Variants in NCKAP5 observed in about 807,000 individuals in gnomAD.
NCKAP5 encodes the protein nck-associated protein 5.
A neutral mutation model predicts 167.0 loss-of-function variants in NCKAP5; 92 were observed. The ratio of observed to expected loss-of-function variants is 0.55; its 90% CI spans 0.47 to 0.66. NCKAP5 has a LOEUF of 0.66. Among genes scored for constraint, NCKAP5 ranks in the 30% least tolerant of loss-of-function variants. The pLI, the probability that NCKAP5 is intolerant of heterozygous loss-of-function variation, is 0.00. For missense variants in NCKAP5, 2,378 were observed against 2,315.0 expected, an observed-to-expected ratio of 1.03 and a Z score of -0.56; for synonymous variants, 891 against 877.4, an observed-to-expected ratio of 1.02 and a Z score of -0.27.
the NCKAP5 span, among the ~76,000 whole-genome samples, chr2:133,596,916 G>C: frequency 7.9e-5 from 12 of 152,360 alleles, no homozygotes; most frequent in African/African-American, 2.6e-4. Flanking sequence ...TCTGCAGGAG[G>C]TTTAACCTCC....
At chr2:133,558,131 C>T in intron 2 of NCKAP5, 1 of 152,312 alleles carries the variant, frequency 6.6e-6, no homozygotes, top group East Asian at 1.9e-4. Context: ...TACCATGCTG[C>T]TTGCTCCTTT....
intron 8 of NCKAP5, among the ~76,000 whole-genome samples, chr2:132,936,346 G>A (rs553807755): frequency 6.7e-6 from 1 of 148,842 alleles, no homozygotes; most frequent in Non-Finnish European, 1.5e-5. Context: ...AACTAACAAG[G>A]AGCTGAATGA....
chr2:133,520,519 ATAGT>A (rs1449640212), intron 2 of NCKAP5, among the ~76,000 whole-genome samples: 1 of 152,224 alleles, frequency 6.6e-6, no homozygotes, highest in East Asian at 1.9e-4. Context: ...AGCCATTGAA[ATAGT>A]TAGGCTGGGG....
intron 8 of NCKAP5, among the ~76,000 whole-genome samples, chr2:132,894,387 TAA>T (rs1481430276): frequency 6.6e-6 from 1 of 152,208 alleles, no homozygotes; most frequent in Non-Finnish European, 1.5e-5. Context: ...CAAAGTGAGA[TAA>T]AGTGCCATGG....
At chr2:132,692,293 C>G (rs1415524167) in intron 19 of NCKAP5, among the ~76,000 whole-genome samples, 4 of 152,008 alleles carry the variant, frequency 2.6e-5, no homozygotes, top group African/African-American at 9.7e-5. Context: ...CAGGTGTCCA[C>G]CACCATGCCC....
rs760973428 is a variant in NCKAP5, at chr2:132,782,070, C to T, written c.4741G>A (p.Gly1581Ser). 100 of 1,613,878 alleles carry T rather than the reference C, an allele frequency of 6.2e-5. 1 individual carries two copies. Among genetic ancestry groups the T allele is most frequent in the South Asian group, 5.6e-4 (51 of 91,084 alleles). ...DTKSADNPDG[G>S]LQSKNNRRTP... ...CTCCGATTATTTTTGCTTTGTAAAC[C>T]GCCATCTGGATTATCTGCTGACTTG... The change falls in exon 14 of 20, where the codon GGT (glycine) becomes AGT (serine). Residue 1581 changes from glycine to serine, a missense_variant. By Grantham distance (56) the Gly-to-Ser change is moderately conservative. Coordinates refer to ENST00000409261, the MANE Select transcript of NCKAP5 (RefSeq NM_207363.3).
intron 8 of NCKAP5, among the ~76,000 whole-genome samples, chr2:132,904,464 G>A (rs980264255): frequency 2.0e-5 from 3 of 151,990 alleles, no homozygotes; most frequent in Non-Finnish European, 4.4e-5. Context: ...TTGCTGCAAG[G>A]ATTATGCTTA....
At chr2:132,804,007 G>A (rs904857571) in intron 11 of NCKAP5, among the ~76,000 whole-genome samples, 3 of 152,166 alleles carry the variant, frequency 2.0e-5, no homozygotes, top group African/African-American at 7.2e-5. Context: ...AATATTCTGT[G>A]CAAAGGGAAC....
intron 3 of NCKAP5, among the ~76,000 whole-genome samples, chr2:133,398,440 A>C (rs1687894145): frequency 1.3e-5 from 2 of 152,166 alleles, no homozygotes; most frequent in Admixed American, 1.3e-4. Context: ...CATAAAAATA[A>C]ACCTTAGAGT....
At chr2:133,547,285 G>T (rs1013091567) in intron 2 of NCKAP5, among the ~76,000 whole-genome samples, 1 of 152,192 alleles carries the variant, frequency 6.6e-6, no homozygotes, top group Non-Finnish European at 1.5e-5. Flanking sequence ...CTGCAAGGCG[G>T]CAGAGAGGCT....
At chr2:132,848,441 A>G (rs1456843619) in intron 11 of NCKAP5, among the ~76,000 whole-genome samples, 1 of 152,204 alleles carries the variant, frequency 6.6e-6, no homozygotes, top group African/African-American at 2.4e-5. Context: ...AAGGATCTCA[A>G]TGCCTGTCTT....
the NCKAP5 span, among the ~76,000 whole-genome samples, chr2:133,636,660 A>T: frequency 6.6e-6 from 1 of 152,240 alleles, no homozygotes; most frequent in African/African-American, 2.4e-5. Flanking sequence ...CCTAGTAGCC[A>T]AAAGAGCCAA....
intron 9 of NCKAP5, among the ~76,000 whole-genome samples, chr2:132,876,547 C>T (rs1205575327): frequency 1.3e-5 from 2 of 152,204 alleles, no homozygotes; most frequent in East Asian, 3.8e-4. Flanking sequence ...ATTATTACTA[C>T]ATTCAACTAC....
the NCKAP5 span, among the ~76,000 whole-genome samples, chr2:133,661,087 T>C: frequency 3.9e-5 from 6 of 152,134 alleles, no homozygotes; most frequent in African/African-American, 1.4e-4. Flanking sequence ...CAGACTGTTC[T>C]CGGGGTGCAC....
chr2:132,685,565 T>C (rs958027304), intron 19 of NCKAP5, among the ~76,000 whole-genome samples: 1 of 152,174 alleles, frequency 6.6e-6, no homozygotes, highest in South Asian at 2.1e-4. Context: ...AAGCACTGGG[T>C]AATGCCGTCT....
chr2:133,455,412 A>G (rs1246853636), intron 3 of NCKAP5, among the ~76,000 whole-genome samples: 1 of 151,882 alleles, frequency 6.6e-6, no homozygotes, highest in Non-Finnish European at 1.5e-5. Flanking sequence ...CAATGTCTTT[A>G]TTATTACTCT....
At chr2:132,791,196 A>G (rs949752964) in intron 12 of NCKAP5, among the ~76,000 whole-genome samples, 3 of 152,372 alleles carry the variant, frequency 2.0e-5, no homozygotes, top group Admixed American at 2.0e-4. Flanking sequence ...GTCCACAACC[A>G]GATGCCCATT....
chr2:132,831,817 T>C (rs1465056713), intron 11 of NCKAP5, among the ~76,000 whole-genome samples: 1 of 152,098 alleles, frequency 6.6e-6, no homozygotes, highest in East Asian at 1.9e-4. Context: ...ACCAAAAAAT[T>C]ATAAACATAC....
intron 8 of NCKAP5, among the ~76,000 whole-genome samples, chr2:132,901,035 C>G (rs142234514): frequency 1.3e-4 from 19 of 151,002 alleles, no homozygotes; most frequent in African/African-American, 3.6e-4. Context: ...TCACTCAACC[C>G]AGAGTCTATT....
Sources: gnomAD v4.1 joint callset for allele counts (sites outside exome capture counted in the v4.1 genomes callset) on GRCh38, gnomAD v4.1.1 for gene constraint, MANE v1.5 for transcripts, NCBI Gene and HGNC (gene_info 2026-07-23, HGNC 2026-07-21) for gene names.